The following TSNARE1 variants were observed in gnomAD, a reference collection of about 807,000 sequenced individuals.
TSNARE1 encodes the protein t-SNARE domain containing 1.
Under a neutral mutation model 62.0 loss-of-function variants are expected in TSNARE1, and 49 were observed. That is an observed-to-expected ratio of 0.79 (90% CI 0.63 to 1.00). The LOEUF (loss-of-function observed/expected upper bound fraction) is 1.00, where lower values mean the gene tolerates loss of function less well. Among genes scored for constraint, TSNARE1 ranks in the 50% least tolerant of loss-of-function variants. The probability of loss-of-function intolerance (pLI) is 0.00; values close to 1 mark genes in which losing one functional copy is unlikely to be tolerated. For missense variants in TSNARE1, 755 were observed against 700.1 expected, an observed-to-expected ratio of 1.08 and a Z score of -0.88; for synonymous variants, 328 against 294.4, an observed-to-expected ratio of 1.11 and a Z score of -1.17.
At chr8:142,278,586 C>T (rs563328406) in intron 11 of TSNARE1, 13 of 985,312 alleles carry the variant, frequency 1.3e-5, no homozygotes, top group Admixed American at 6.1e-5. Flanking sequence ...GGAGGAGGCA[C>T]GGAGGCGGCA....
intron 1 of TSNARE1, among the ~76,000 whole-genome samples, chr8:142,376,349 A>G (rs1836339261): frequency 6.6e-6 from 1 of 152,142 alleles, no homozygotes; most frequent in Non-Finnish European, 1.5e-5. Flanking sequence ...GTCCTCTGCA[A>G]GTTCCCACTT....
Position 142,217,812 on chromosome 8 carries a change from C to T in TSNARE1, c.*12-5499G>A, listed in dbSNP as rs918937959. On this transcript the variant is annotated intron_variant, in intron 13 of 13. Coordinates refer to ENST00000524325, the MANE Select transcript of TSNARE1 (RefSeq NM_145003.5). ...GCGTTCAGGGTGTGGCCAGGATCAG[C>T]GTTCAGGGTGTGAGCAGGATCAGGG... 1.7e-4 allele frequency among the ~76,000 whole-genome samples: 17 copies of T among 97,514 alleles called. No individual in the cohort carries two copies. The East Asian group carries it at 1.8e-3, about 10-fold the overall frequency. 64.0% of individuals were successfully genotyped at this position (97,514 alleles called of 152,430 possible).
At chr8:142,313,418 GTGTT>G (rs1392538314) in intron 9 of TSNARE1, among the ~76,000 whole-genome samples, 2 of 143,622 alleles carry the variant, frequency 1.4e-5, no homozygotes, top group Non-Finnish European at 1.5e-5. Flanking sequence ...ATGTGTCTGT[GTGTT>G]TATCTGCATG....
intron 11 of TSNARE1, among the ~76,000 whole-genome samples, chr8:142,281,686 A>G (rs1182231197): frequency 6.6e-6 from 1 of 152,078 alleles, no homozygotes; most frequent in Non-Finnish European, 1.5e-5. Flanking sequence ...AGCCAAGGGC[A>G]ACCCCATAGA....
intron 9 of TSNARE1, among the ~76,000 whole-genome samples, chr8:142,307,869 A>G: frequency 6.6e-6 from 1 of 152,242 alleles, no homozygotes; most frequent in East Asian, 1.9e-4. Context: ...GCCTGCACGC[A>G]GCCCACGCCC....
At chr8:142,372,434 C>A (rs1835979785) in intron 1 of TSNARE1, among the ~76,000 whole-genome samples, 1 of 152,216 alleles carries the variant, frequency 6.6e-6, no homozygotes, top group Admixed American at 6.5e-5. Context: ...GTCAGCCTTA[C>A]AGCAGCCACA....
At chr8:142,226,756 C>G (rs1816793512) in intron 13 of TSNARE1, among the ~76,000 whole-genome samples, 1 of 152,124 alleles carries the variant, frequency 6.6e-6, no homozygotes, top group African/African-American at 2.4e-5. Context: ...CACAGCAGTT[C>G]CCGGCATAAG....
intron 1 of TSNARE1, among the ~76,000 whole-genome samples, chr8:142,395,620 G>A (rs1478055818): frequency 1.3e-5 from 2 of 152,230 alleles, no homozygotes; most frequent in East Asian, 3.9e-4. Context: ...CAGAATTAAG[G>A]GGCCCAGGCT....
intron 2 of TSNARE1, among the ~76,000 whole-genome samples, chr8:142,349,115 GC>G (rs556118132): frequency 2.6e-4 from 40 of 152,342 alleles, no homozygotes; most frequent in Admixed American, 9.8e-4. Flanking sequence ...TCGCCCCCAT[GC>G]CCCAGAAGCA....
chr8:142,247,202 T>G (rs1369185510), intron 12 of TSNARE1, among the ~76,000 whole-genome samples: 2 of 151,150 alleles, frequency 1.3e-5, no homozygotes, highest in Non-Finnish European at 2.9e-5. Flanking sequence ...CCCTGGAGAG[T>G]TGCAGGCACG....
At chr8:142,261,231 AAGAGGGAGAGAAGGAG>A (rs1818869209) in intron 12 of TSNARE1, among the ~76,000 whole-genome samples, 1 of 96,510 alleles carries the variant, frequency 1.0e-5, no homozygotes, top group Non-Finnish European at 2.1e-5. Flanking sequence ...GAGAGAAGGG[AAGAGGGAGAGAAGGAG>A]AGAGGGAGGA....
chr8:142,295,634 C>A (rs1210387608), intron 10 of TSNARE1, among the ~76,000 whole-genome samples: 1 of 152,246 alleles, frequency 6.6e-6, no homozygotes, highest in Non-Finnish European at 1.5e-5. Flanking sequence ...GGTGGCTCCA[C>A]TTCTGCTCTC....
intron 1 of TSNARE1, among the ~76,000 whole-genome samples, chr8:142,375,585 C>T (rs1025229396): frequency 2.0e-5 from 3 of 152,238 alleles, no homozygotes; most frequent in African/African-American, 4.8e-5. Flanking sequence ...GCCTTCGGTG[C>T]ACCTCCCGGT....
At chr8:142,315,253 C>T (rs565333838) in intron 7 of TSNARE1, among the ~76,000 whole-genome samples, 161 bp from the exon 8 acceptor site, 2 of 152,316 alleles carry the variant, frequency 1.3e-5, no homozygotes, top group South Asian at 4.1e-4. Flanking sequence ...TCTCCACAGG[C>T]ACACCCAGGG....
chr8:142,277,391 G>C, intron 11 of TSNARE1: 1 of 985,316 alleles, frequency 1.0e-6, no homozygotes, highest in African/African-American at 1.7e-5. Flanking sequence ...CCCTGTGGGA[G>C]ACCCCCCTGC....
chr8:142,276,744 G>C, intron 11 of TSNARE1: 1 of 985,402 alleles, frequency 1.0e-6, no homozygotes, highest in Non-Finnish European at 1.2e-6. Context: ...TGTGTGACCT[G>C]GAGGCCCACC....
intron 1 of TSNARE1, among the ~76,000 whole-genome samples, chr8:142,393,543 A>G (rs373528928): frequency 6.6e-6 from 1 of 152,366 alleles, no homozygotes; most frequent in East Asian, 1.9e-4. Flanking sequence ...ATGTGAATTT[A>G]CAATGGTCAC....
chr8:142,368,192 T>C (rs572151540), intron 1 of TSNARE1, among the ~76,000 whole-genome samples: 1 of 150,594 alleles, frequency 6.6e-6, no homozygotes, highest in African/African-American at 2.4e-5. Flanking sequence ...GAGAAAAGAT[T>C]TGCAACATAT....
At chr8:142,258,692 C>G (rs1818712850) in intron 12 of TSNARE1, among the ~76,000 whole-genome samples, 1 of 151,948 alleles carries the variant, frequency 6.6e-6, no homozygotes, top group African/African-American at 2.4e-5. Flanking sequence ...GCTTTTTTAT[C>G]ATATTTTTAG....
Sources: gnomAD v4.1 joint callset for allele counts (sites outside exome capture counted in the v4.1 genomes callset) on GRCh38, gnomAD v4.1.1 for gene constraint, MANE v1.5 for transcripts, NCBI Gene and HGNC (gene_info 2026-07-23, HGNC 2026-07-21) for gene names.